BRD9: variants seen among roughly 807,000 people sequenced by gnomAD.
BRD9 encodes the protein bromodomain containing 9.
A neutral mutation model predicts 68.7 loss-of-function variants in BRD9; 47 were observed. The observed-to-expected ratio is 0.68, with a 90% CI of 0.54 to 0.87. The LOEUF (loss-of-function observed/expected upper bound fraction) is 0.87. BRD9 is among the 40% of genes least tolerant of loss of function. BRD9 has a pLI of 0.00. For missense variants in BRD9, 670 were observed against 748.4 expected (o/e 0.90, Z 1.22); for synonymous variants, 313 against 293.9 (o/e 1.06, Z -0.67).
At chr5:864,605 A>G (rs367592539) in intron 15 of BRD9, 37 bp from the exon 16 acceptor site, 24 of 1,578,948 alleles carry the variant, frequency 1.5e-5, no homozygotes, top group Non-Finnish European at 2.0e-5. Context: ...AACACACAGG[A>G]CAGACCCGCA....
intron 12 of BRD9, among the ~76,000 whole-genome samples, chr5:874,117 C>CT (rs894580184): frequency 3.9e-5 from 6 of 152,108 alleles, no homozygotes; most frequent in Admixed American, 6.5e-5. Context: ...GTTTTTTTAT[C>CT]TTTTTTTTGA....
rs1368493558 is a variant in BRD9, at chr5:883,975, G to A, written c.929C>T (p.Ala310Val). Residue 310 changes from alanine to valine, a missense_variant, in exon 8 of 16, where the codon GCT (alanine) becomes GTT (valine). Around this residue, in one of 5 missense-constraint regions of BRD9, gnomAD observed 135 missense variants for 141.2 expected, o/e 0.96. Transcript: ENST00000467963. ...LALVEHAADE[A>V]RDRINRFLPG... ...GAGGAACCGGTTGATCCTGTCCCGAGCTTCGTCAGCTGCGTGCTCCACCAG... is the reference window on the plus strand; with the variant it reads ...GAGGAACCGGTTGATCCTGTCCCGAACTTCGTCAGCTGCGTGCTCCACCAG... The A allele has an allele frequency of 6.2e-7, 1 of 1,613,424 alleles. No homozygotes were observed. Among genetic ancestry groups the A allele is most frequent in the South Asian group, 1.1e-5 (1 of 91,078 alleles).
chr5:866,831 ACTT>A (rs1749444017), intron 14 of BRD9, among the ~76,000 whole-genome samples: 1 of 152,234 alleles, frequency 6.6e-6, no homozygotes, highest in African/African-American at 2.4e-5. Flanking sequence ...TGAAACTGGA[ACTT>A]ATATTTAAAA....
chr5:865,310 C>A, intron 15 of BRD9, 104 bp downstream of exon 15: 10 of 1,404,634 alleles, frequency 7.1e-6, no homozygotes, highest in Non-Finnish European at 9.5e-6. Flanking sequence ...GCCCATGCAG[C>A]CTCCAGCCTT....
chr5:877,298 G>C (rs985895133), intron 11 of BRD9, among the ~76,000 whole-genome samples: 2 of 152,246 alleles, frequency 1.3e-5, no homozygotes, highest in African/African-American at 4.8e-5. Context: ...GCTGGCGGGA[G>C]GGTGGGGAGC....
At chr5:865,154 G>A (rs1749173989) in intron 15 of BRD9, among the ~76,000 whole-genome samples, 1 of 152,248 alleles carries the variant, frequency 6.6e-6, no homozygotes, top group African/African-American at 2.4e-5. Flanking sequence ...AGAGGGCACA[G>A]GGGTGGACAG....
chr5:880,899 G>A (rs1349825695), intron 9 of BRD9, among the ~76,000 whole-genome samples: 31 of 152,214 alleles, frequency 2.0e-4, no homozygotes, highest in Admixed American at 2.0e-3. Context: ...CCCTGACCGA[G>A]GTCTGACCAG....
chr5:872,520 G>A (rs1166420918), intron 12 of BRD9, among the ~76,000 whole-genome samples: 1 of 152,170 alleles, frequency 6.6e-6, no homozygotes, highest in Non-Finnish European at 1.5e-5. Flanking sequence ...TGTTGGGGGG[G>A]CCAGCTTCCT....
chr5:865,921 C>T (rs545538378), intron 14 of BRD9: 51 of 219,660 alleles, frequency 2.3e-4, no homozygotes, highest in African/African-American at 1.0e-3. Context: ...CTGTCCTCAA[C>T]ACACAAAGGC....
In BRD9 at chr5:891,140, A is replaced by G. The variant is rs1454405266; in HGVS notation, c.400+15T>C. 3 of 1,545,318 alleles carry G rather than the reference A, an allele frequency of 1.9e-6. No homozygotes were observed. The highest frequency in any genetic ancestry group is 2.5e-5 in the East Asian group (1 of 40,816). ...GCTGTGAACACCAGGAGAGTCTCTAAAAGTGCACCCTTGCCTGGCTGTGTC... is the reference window on the plus strand; with the variant it reads ...GCTGTGAACACCAGGAGAGTCTCTAGAAGTGCACCCTTGCCTGGCTGTGTC... On this transcript the variant is annotated intron_variant, in intron 3 of 15. Coordinates refer to ENST00000467963, the MANE Select transcript of BRD9 (RefSeq NM_023924.5).
intron 15 of BRD9, 33 bp downstream of exon 15, chr5:865,381 T>C (rs1749229847): frequency 6.5e-7 from 1 of 1,542,888 alleles, no homozygotes; most frequent in Non-Finnish European, 8.8e-7. Flanking sequence ...TGCTGGGGTC[T>C]CTGGGGATGC....
At position 889,495 on chromosome 5, in the gene BRD9, C is replaced by T. The variant is rs996994400; in HGVS notation, c.461+92G>A. On this transcript the variant is annotated intron_variant, in intron 4 of 15. Coordinates refer to ENST00000467963, the MANE Select transcript of BRD9 (RefSeq NM_023924.5). ...AAGAGAAGGTGCAGGGTCTGTTTCACAGCTGACGAGGCTGGCGTGGGGAAT... is the reference window on the plus strand; with the variant it reads ...AAGAGAAGGTGCAGGGTCTGTTTCATAGCTGACGAGGCTGGCGTGGGGAAT... 8 of 1,406,806 alleles carry T rather than the reference C, an allele frequency of 5.7e-6. No homozygotes were observed. The Admixed American group carries it at 5.8e-5, about 10-fold the overall frequency. 87.1% of individuals were successfully genotyped at this position (1,406,806 alleles called of 1,614,324 possible). A position where few individuals can be genotyped will look rare whatever the true frequency, so the allele number is the denominator to read the frequency against.
intron 14 of BRD9, chr5:869,147 C>T: frequency 5.8e-6 from 2 of 344,842 alleles, no homozygotes; most frequent in South Asian, 4.4e-5. Context: ...AATTCTAAGC[C>T]CCATGGACTG....
At chr5:867,269 C>T in intron 14 of BRD9, among the ~76,000 whole-genome samples, 1 of 152,220 alleles carries the variant, frequency 6.6e-6, no homozygotes, top group East Asian at 1.9e-4. Flanking sequence ...TATGGAAAAG[C>T]CAGGGTGTCC....
At chr5:877,326 C>T (rs1296065609) in intron 11 of BRD9, among the ~76,000 whole-genome samples, 3 of 152,208 alleles carry the variant, frequency 2.0e-5, no homozygotes, top group African/African-American at 7.2e-5. Flanking sequence ...TCTTTAATTT[C>T]TGACTTATGA....
intron 5 of BRD9, among the ~76,000 whole-genome samples, chr5:888,772 C>T (rs1752931981): frequency 6.6e-6 from 1 of 152,216 alleles, no homozygotes; most frequent in Non-Finnish European, 1.5e-5. Context: ...TACGCCAGCG[C>T]AGTAACTTAG....
Position 880,874 on chromosome 5 carries a change from G to A in BRD9, c.1042+233C>T, listed in dbSNP as rs537687672. 3.7e-3 allele frequency among the ~76,000 whole-genome samples: 560 copies of A among 152,306 alleles called. 6 individuals are homozygous for A. Among genetic ancestry groups the A allele is most frequent in the African/African-American group, 0.012 (517 of 41,562 alleles). On this transcript the variant is annotated intron_variant, in intron 9 of 15. Transcript: ENST00000467963. ...TTTTCAGGAACATGGCTCGAGTCCC[G>A]CTGCTCCCAAGGAGCCCTGACCGAG...
chr5:883,095 G>A, intron 8 of BRD9: 1 of 357,788 alleles, frequency 2.8e-6, no homozygotes. Flanking sequence ...CCCAACACGT[G>A]AGCCACGCAG....
Position 889,573 on chromosome 5 carries a change from A to T in BRD9, c.461+14T>A, listed in dbSNP as rs769336731. The T allele has an allele frequency of 1.9e-6, 3 of 1,613,396 alleles. No individual in the cohort carries two copies. The South Asian group carries it at 3.3e-5, about 18-fold the overall frequency. On this transcript the variant is annotated intron_variant, in intron 4 of 15. Transcript: ENST00000467963. ...CCCCCCAGACACTAGCTCTTCAGAA[A>T]CGCCCCGGTTTACCTCTGAAGCTGG... is the stretch of plus-strand genomic sequence containing the variant.
Sources: gnomAD v4.1 joint callset for allele counts (sites outside exome capture counted in the v4.1 genomes callset) on GRCh38, gnomAD v4.1.1 for gene constraint, gnomAD v4.1.1 regional missense constraint, MANE v1.5 for transcripts, NCBI Gene and HGNC (gene_info 2026-07-23, HGNC 2026-07-21) for gene names.